The following GPC6 variants were observed in gnomAD, a reference collection of about 807,000 sequenced individuals.
GPC6 encodes glypican-6.
In GPC6, 14 loss-of-function variants were observed where a neutral mutation model predicts 55.2. That is an observed-to-expected ratio of 0.25 (90% CI 0.17 to 0.40). The LOEUF (loss-of-function observed/expected upper bound fraction) is 0.40. Among genes scored for constraint, GPC6 ranks in the 10% least tolerant of loss-of-function variants. The probability of loss-of-function intolerance (pLI) is 1.00; values close to 1 mark genes in which losing one functional copy is unlikely to be tolerated. For synonymous variants in GPC6, 278 were observed against 259.6 expected (o/e 1.07, Z -0.68); for missense variants, 641 against 708.5 (o/e 0.90, Z 1.08).
At chr13:93,739,430 A>G (rs1325813006) in intron 2 of GPC6, among the ~76,000 whole-genome samples, 3 of 117,120 alleles carry the variant, frequency 2.6e-5, no homozygotes, top group South Asian at 3.2e-4. Flanking sequence ...TTCTTCAAAT[A>G]CATTTTTTTT....
At chr13:93,426,246 A>T (rs1222825962) in intron 1 of GPC6, among the ~76,000 whole-genome samples, 4 of 150,036 alleles carry the variant, frequency 2.7e-5, no homozygotes, top group African/African-American at 4.9e-5. Context: ...TTATTTTATT[A>T]TTATTATACT....
chr13:93,842,260 A>G (rs1887979607), intron 3 of GPC6, among the ~76,000 whole-genome samples: 1 of 152,166 alleles, frequency 6.6e-6, no homozygotes, highest in Non-Finnish European at 1.5e-5. Flanking sequence ...TCAGCCAAGG[A>G]GAATTCAACT....
At chr13:94,065,898 C>T (rs1189000919) in intron 4 of GPC6, among the ~76,000 whole-genome samples, 1 of 152,180 alleles carries the variant, frequency 6.6e-6, no homozygotes, top group Non-Finnish European at 1.5e-5. Flanking sequence ...TTCAGTCTTC[C>T]AGACAGCCTG....
chr13:93,977,467 G>GGTGTGTGT (rs4001797), intron 3 of GPC6, among the ~76,000 whole-genome samples: 67 of 137,284 alleles, frequency 4.9e-4, no homozygotes, highest in Non-Finnish European at 9.1e-4. Context: ...GATGACAAGG[G>GGTGTGTGT]GTGTGTGTGT....
At chr13:93,445,112 C>G (rs1179670962) in intron 1 of GPC6, among the ~76,000 whole-genome samples, 3 of 152,142 alleles carry the variant, frequency 2.0e-5, no homozygotes, top group African/African-American at 7.2e-5. Flanking sequence ...AATGTTATTT[C>G]AGTTAATAGT....
chr13:94,352,663 G>A (rs1878609611), intron 6 of GPC6, among the ~76,000 whole-genome samples: 1 of 152,174 alleles, frequency 6.6e-6, no homozygotes, highest in African/African-American at 2.4e-5. Context: ...ACTCACCTCA[G>A]GTTCTGCCCT....
intron 7 of GPC6, among the ~76,000 whole-genome samples, chr13:94,394,651 A>G (rs575289741): frequency 6.6e-6 from 1 of 152,302 alleles, no homozygotes; most frequent in East Asian, 1.9e-4. Context: ...ATGGACATCT[A>G]TAGATTTAGA....
intron 3 of GPC6, among the ~76,000 whole-genome samples, chr13:93,898,388 G>A (rs1876142734): frequency 6.6e-6 from 1 of 152,094 alleles, no homozygotes; most frequent in African/African-American, 2.4e-5. Flanking sequence ...ACAGGAAAAT[G>A]CCATGCCATA....
chr13:93,295,443 A>T (rs1878461450), intron 1 of GPC6, among the ~76,000 whole-genome samples: 1 of 151,898 alleles, frequency 6.6e-6, no homozygotes, highest in South Asian at 2.1e-4. Flanking sequence ...TCGAAAAAGC[A>T]AGTTCTCTGT....
At chr13:93,441,697 A>T (rs1265399290) in intron 1 of GPC6, among the ~76,000 whole-genome samples, 2 of 152,064 alleles carry the variant, frequency 1.3e-5, no homozygotes, top group Non-Finnish European at 2.9e-5. Context: ...CTTTAGTTTA[A>T]TTAGATCCCG....
At chr13:94,078,814 A>T (rs1346683728) in intron 4 of GPC6, among the ~76,000 whole-genome samples, 4 of 151,996 alleles carry the variant, frequency 2.6e-5, no homozygotes. Flanking sequence ...TCTACTAAAC[A>T]TTTAAGGAAG....
chr13:93,845,698 T>C (rs1222682504), intron 3 of GPC6, among the ~76,000 whole-genome samples: 4 of 147,608 alleles, frequency 2.7e-5, no homozygotes, highest in South Asian at 2.2e-4. Flanking sequence ...ATGGATGAAA[T>C]TGGAAATCAT....
At chr13:93,289,552 C>T (rs1055658001) in intron 1 of GPC6, among the ~76,000 whole-genome samples, 4 of 151,844 alleles carry the variant, frequency 2.6e-5, no homozygotes, top group Admixed American at 2.6e-4. Flanking sequence ...ATTTATATGC[C>T]GAAATTACTA....
chr13:93,359,308 A>C (rs1276925933), intron 1 of GPC6, among the ~76,000 whole-genome samples: 1 of 151,856 alleles, frequency 6.6e-6, no homozygotes, highest in African/African-American at 2.4e-5. Context: ...TAACTAATTG[A>C]TTTTTCTTAT....
chr13:93,284,103 A>C (rs1878035661), intron 1 of GPC6, among the ~76,000 whole-genome samples: 1 of 152,244 alleles, frequency 6.6e-6, no homozygotes, highest in South Asian at 2.1e-4. Context: ...GGCTTCTTGC[A>C]GATGGCAGAT....
intron 3 of GPC6, among the ~76,000 whole-genome samples, chr13:94,021,650 ATGAACT>A: frequency 6.6e-6 from 1 of 152,016 alleles, no homozygotes; most frequent in African/African-American, 2.4e-5. Context: ...GAGTTTCCAA[ATGAACT>A]CAATGATTTT....
intron 5 of GPC6, among the ~76,000 whole-genome samples, chr13:94,303,677 C>T (rs1875782182): frequency 6.6e-6 from 1 of 150,818 alleles, no homozygotes; most frequent in African/African-American, 2.4e-5. Flanking sequence ...TGCATGGAAG[C>T]TATCTTCAAC....
chr13:93,490,612 G>A (rs1320925866), intron 1 of GPC6, among the ~76,000 whole-genome samples: 1 of 129,640 alleles, frequency 7.7e-6, no homozygotes, highest in African/African-American at 2.9e-5. Context: ...CTGGTGCGCT[G>A]CACCCACTAA....
intron 2 of GPC6, among the ~76,000 whole-genome samples, chr13:93,652,529 G>T (rs77628024): frequency 1.1e-3 from 166 of 152,250 alleles, no homozygotes; most frequent in African/African-American, 3.8e-3. Context: ...TTGCATTTTT[G>T]CCCAGTGGAG....
Sources: allele counts gnomAD v4.1 joint callset (sites outside exome capture counted in the v4.1 genomes callset), GRCh38; gene constraint gnomAD v4.1.1; transcripts MANE v1.5; gene names NCBI Gene and HGNC (gene_info 2026-07-23, HGNC 2026-07-21).